Variants in ST6GAL2 observed in about 807,000 individuals in gnomAD.
ST6GAL2 encodes ST6 beta-galactoside alpha-2,6-sialyltransferase 2, also known as beta-galactoside alpha-2,6-sialyltransferase 2.
A neutral mutation model predicts 37.5 loss-of-function variants in ST6GAL2; 24 were observed. The ratio of observed to expected loss-of-function variants is 0.64; its 90% CI spans 0.46 to 0.90. The LOEUF is 0.90. ST6GAL2 is among the 40% of genes least tolerant of loss of function. ST6GAL2 has a pLI of 0.00. For missense variants in ST6GAL2, 715 were observed against 712.7 expected (o/e 1.00, Z -0.04); for synonymous variants, 306 against 295.1 (o/e 1.04, Z -0.38).
rs1270327161 is a variant in ST6GAL2 at position 106,832,467 on chromosome 2, A to T, written c.1143+98T>A. The stretch of plus-strand genomic sequence containing the variant: ...TAAATTGATATTGATGGGTACTTTC[A>T]TTGTCTGTCAAAGCTTAATCCTTGC... On this transcript the variant is annotated intron_variant, in intron 4 of 5. Transcript: ENST00000409382. 5 of 674,576 alleles carry T rather than the reference A, an allele frequency of 7.4e-6. No homozygotes were observed. In the African/African-American group the frequency reaches 9.2e-5, roughly 12 times the overall value. The allele number at this position is 674,576 out of a possible 1,614,324, so 41.8% of individuals were successfully genotyped here.
At chr2:106,834,600 T>C (rs1391683126) in intron 2 of ST6GAL2, 1 of 153,422 alleles carries the variant, frequency 6.5e-6, no homozygotes, top group Non-Finnish European at 1.4e-5. Context: ...TGCTGGTGTA[T>C]GCTTAAAAAG....
At chr2:106,838,948 A>C (rs1029056387) in intron 2 of ST6GAL2, among the ~76,000 whole-genome samples, 1 of 152,146 alleles carries the variant, frequency 6.6e-6, no homozygotes, top group Admixed American at 6.5e-5. Context: ...ACGCAGGAGA[A>C]TAGCTTGAGC....
At position 106,848,798 on chromosome 2, in the gene ST6GAL2, G is replaced by A. The variant is rs554257950; in HGVS notation, c.-57-4764C>T. Among the ~76,000 whole-genome samples the A allele has an allele frequency of 1.2e-4, 19 of 152,286 alleles. No individual in the cohort carries two copies. The East Asian group carries it at 3.7e-3, about 29-fold the overall frequency. ...AACTCAAAATTATCTTGAGCCTTGG[G>A]AGGAATGTGGCTATGTAGCCTGCGT... On this transcript the variant is annotated intron_variant, in intron 1 of 5. Coordinates refer to ENST00000409382, the MANE Select transcript of ST6GAL2 (RefSeq NM_001142351.2).
intron 5 of ST6GAL2, among the ~76,000 whole-genome samples, chr2:106,807,837 G>A (rs1177518496): frequency 1.3e-5 from 2 of 151,920 alleles, no homozygotes; most frequent in East Asian, 3.9e-4. Flanking sequence ...TGTTAGCCAG[G>A]ATGGTCTCAA....
intron 5 of ST6GAL2, among the ~76,000 whole-genome samples, chr2:106,817,675 G>A (rs766763036): frequency 7.2e-5 from 11 of 152,092 alleles, no homozygotes; most frequent in Non-Finnish European, 1.2e-4. Flanking sequence ...AGGGACTCCC[G>A]CTTGAAAAAA....
At chr2:106,812,698 G>A (rs1268629227) in intron 5 of ST6GAL2, among the ~76,000 whole-genome samples, 1 of 152,162 alleles carries the variant, frequency 6.6e-6, no homozygotes, top group Non-Finnish European at 1.5e-5. Context: ...CAAATTCAAA[G>A]TATCACATTA....
Position 106,843,400 on chromosome 2 carries a change from T to C in ST6GAL2, c.578A>G (p.Asp193Gly), listed in dbSNP as rs1486908982. ...SHVLEEGDDG[D>G]RLYSSMSRAF... ...CCTGGACATGGAGGAGTACAGCCTG[T>C]CGCCGTCGTCGCCCTCCTCCAACAC... Residue 193 changes from aspartate (D) to glycine (G), a missense_variant, in exon 2 of 6, where the codon GAC (aspartate) becomes GGC (glycine). Physicochemically the swap from Asp to Gly is moderately conservative, Grantham distance 94. Coordinates refer to ENST00000409382, the MANE Select transcript of ST6GAL2 (RefSeq NM_001142351.2). 1 of 1,613,974 alleles carries C rather than the reference T, an allele frequency of 6.2e-7. No individual in the cohort carries two copies. The highest frequency in any genetic ancestry group is 8.5e-7 in the Non-Finnish European group (1 of 1,180,018).
At chr2:106,831,015 G>A (rs894146127) in intron 4 of ST6GAL2, among the ~76,000 whole-genome samples, 4 of 152,200 alleles carry the variant, frequency 2.6e-5, no homozygotes, top group African/African-American at 9.6e-5. Flanking sequence ...CTGTAACCAT[G>A]ACATGGATTT....
At chr2:106,887,136 C>CT (rs1378571916), upstream of ST6GAL2, 1 of 152,366 alleles carries the variant, frequency 6.6e-6, no homozygotes, top group Non-Finnish European at 1.5e-5. Flanking sequence ...TGTCCAACAC[C>CT]TCCCCCCGCC....
intron 2 of ST6GAL2, among the ~76,000 whole-genome samples, chr2:106,836,896 A>C (rs1676666989): frequency 6.9e-6 from 1 of 145,368 alleles, no homozygotes; most frequent in Non-Finnish European, 1.5e-5. Flanking sequence ...GTGAGCCAAG[A>C]TTGCACCATT....
chr2:106,810,442 C>T (rs915518185), intron 5 of ST6GAL2, among the ~76,000 whole-genome samples: 1 of 152,140 alleles, frequency 6.6e-6, no homozygotes, highest in African/African-American at 2.4e-5. Flanking sequence ...TGATCTTTGC[C>T]TATCAGATAG....
At chr2:106,836,726 G>A (rs35979568) in intron 2 of ST6GAL2, among the ~76,000 whole-genome samples, 11,976 of 138,580 alleles carry the variant, frequency 0.086, 1,076 homozygotes, top group East Asian at 0.49. Flanking sequence ...TTGGGAGTTC[G>A]AGACCAGCCT....
At chr2:106,842,498 C>T (rs924746393) in intron 2 of ST6GAL2, among the ~76,000 whole-genome samples, 2 of 152,228 alleles carry the variant, frequency 1.3e-5, no homozygotes, top group African/African-American at 2.4e-5. Flanking sequence ...CTGGGCTCTT[C>T]TCAGAGCTCA....
intron 1 of ST6GAL2, among the ~76,000 whole-genome samples, chr2:106,866,123 A>C (rs1437179967): frequency 6.6e-6 from 1 of 152,242 alleles, no homozygotes; most frequent in Non-Finnish European, 1.5e-5. Flanking sequence ...ACAGAAGAAC[A>C]ACCTACGAGT....
chr2:106,867,696 C>T (rs1381211431), intron 1 of ST6GAL2, among the ~76,000 whole-genome samples: 1 of 151,964 alleles, frequency 6.6e-6, no homozygotes, highest in Non-Finnish European at 1.5e-5. Flanking sequence ...GGTTAGGAAC[C>T]CACCCCCAGC....
At chr2:106,855,131 T>G (rs1677524582) in intron 1 of ST6GAL2, among the ~76,000 whole-genome samples, 1 of 152,200 alleles carries the variant, frequency 6.6e-6, no homozygotes, top group South Asian at 2.1e-4. Flanking sequence ...CCTGGAGAAG[T>G]GACTTCATTC....
At chr2:106,886,023 C>T (rs761633179) in intron 1 of ST6GAL2, 70 bp downstream of exon 1, 4 of 152,288 alleles carry the variant, frequency 2.6e-5, no homozygotes, top group Non-Finnish European at 5.9e-5. Flanking sequence ...TAACTCCGCG[C>T]ACAGCAGCGC....
chr2:106,885,010 T>C (rs762853478), intron 1 of ST6GAL2, among the ~76,000 whole-genome samples: 2 of 149,994 alleles, frequency 1.3e-5, no homozygotes, highest in African/African-American at 2.5e-5. Flanking sequence ...CTTCACTTTA[T>C]TGGAATTCTT....
At chr2:106,855,713 T>C (rs888343221) in intron 1 of ST6GAL2, among the ~76,000 whole-genome samples, 1 of 152,236 alleles carries the variant, frequency 6.6e-6, no homozygotes, top group African/African-American at 2.4e-5. Context: ...TTAATAATTT[T>C]AAACAATGAA....
Sources: gnomAD v4.1 joint callset for allele counts (sites outside exome capture counted in the v4.1 genomes callset) on GRCh38, gnomAD v4.1.1 for gene constraint, MANE v1.5 for transcripts, NCBI Gene and HGNC (gene_info 2026-07-23, HGNC 2026-07-21) for gene names.